The following KIRREL3 variants were observed in gnomAD, a reference collection of about 807,000 sequenced individuals.
KIRREL3 encodes kin of IRRE-like protein 3.
Under a neutral mutation model 89.7 loss-of-function variants are expected in KIRREL3, and 36 were observed. The observed-to-expected ratio is 0.40, with a 90% confidence interval of 0.31 to 0.53. The LOEUF (loss-of-function observed/expected upper bound fraction) is 0.53, where lower values mean the gene tolerates loss of function less well. KIRREL3 is among the 20% of genes least tolerant of loss of function. KIRREL3 has a pLI of 0.49. For synonymous variants in KIRREL3, 445 were observed against 441.4 expected (o/e 1.01, Z -0.10); for missense variants, 864 against 1,056.6 (o/e 0.82, Z 2.53).
chr11:126,708,137 T>C lies in KIRREL3; in HGVS notation c.56-145225A>G, dbSNP rs1005523920. Reference sequence around the variant, plus strand: ...ACCCAATCTTCCTCTTCCACTGACTTTTCCCGTGTGAAAGGACTCCCTGGT... The same window carrying C: ...ACCCAATCTTCCTCTTCCACTGACTCTTCCCGTGTGAAAGGACTCCCTGGT... On this transcript the variant is annotated intron_variant, in intron 1 of 16. Coordinates refer to ENST00000525144, the MANE Select transcript of KIRREL3 (RefSeq NM_032531.4). The surrounding 1 kb of genome is among the most constrained non-coding windows in gnomAD (Gnocchi z 5.7). Among the ~76,000 whole-genome samples the C allele has an allele frequency of 1.3e-5, 2 of 152,182 alleles. No individual in the cohort carries two copies. The highest frequency in any genetic ancestry group is 2.4e-5 in the African/African-American group (1 of 41,432).
At chr11:126,751,640 G>A (rs12361044) in intron 1 of KIRREL3, among the ~76,000 whole-genome samples, 32,377 of 151,712 alleles carry the variant, frequency 0.21, 3,893 homozygotes, top group African/African-American at 0.3. Context: ...TGCTACAAGT[G>A]GATCCTCACT....
chr11:126,826,909 C>A (rs1479175262), intron 1 of KIRREL3, among the ~76,000 whole-genome samples: 2 of 152,212 alleles, frequency 1.3e-5, no homozygotes, highest in East Asian at 1.9e-4. Context: ...GGAAGACTTT[C>A]TTCCTCAGCT....
intron 1 of KIRREL3, among the ~76,000 whole-genome samples, chr11:126,979,092 G>A (rs375170177): frequency 5.3e-5 from 8 of 152,240 alleles, no homozygotes; most frequent in Admixed American, 1.3e-4. Context: ...CATAGAGTCC[G>A]AATTCACCCG....
In KIRREL3 at chr11:126,995,384, T is replaced by A. The variant is rs944441296; in HGVS notation, c.55+5071A>T. 5 of 455,034 alleles carry A rather than the reference T, an allele frequency of 1.1e-5. No individual in the cohort carries two copies. Among genetic ancestry groups the A allele is most frequent in the South Asian group, 1.6e-5 (1 of 64,504 alleles). The allele number at this position is 455,034 out of a possible 1,614,324, so 28.2% of individuals were successfully genotyped here. On this transcript the variant is annotated intron_variant, in intron 1 of 16. Coordinates refer to ENST00000525144, the MANE Select transcript of KIRREL3 (RefSeq NM_032531.4). This position sits in a 1 kb window ranked among gnomAD's most constrained non-coding sequence, Gnocchi z 6.5. ...CTCCACTGATGAATTAGAACACCCC[T>A]CTTCCCAGGCACAGGACGAGTTCAG...
rs571543036 is a variant in KIRREL3 at position 126,862,624 on chromosome 11, G to C, written c.55+137831C>G. The stretch of plus-strand genomic sequence containing the variant: ...GAAGAGGTTCACTGCTCTCCACGCT[G>C]CGTCAACAGAGCGAGTGTTGCACCA... On this transcript the variant is annotated intron_variant, in intron 1 of 16. Transcript: ENST00000525144. Among the ~76,000 whole-genome samples the C allele has an allele frequency of 3.9e-5, 6 of 152,318 alleles. No individual in the cohort carries two copies. In the East Asian group the frequency reaches 1.2e-3, roughly 29 times the overall value.
At position 126,491,203 on chromosome 11, in the gene KIRREL3, A is replaced by G. The variant is rs542204185; in HGVS notation, c.434-17737T>C. 6.6e-6 allele frequency among the ~76,000 whole-genome samples: 1 copy of G among 152,306 alleles called. No individual in the cohort carries two copies. Among genetic ancestry groups the G allele is most frequent in the African/African-American group, 2.4e-5 (1 of 41,552 alleles). On this transcript the variant is annotated intron_variant, in intron 4 of 16. Transcript: ENST00000525144. The surrounding 1 kb of genome is among the most constrained non-coding windows in gnomAD (Gnocchi z 5.5). ...CCGGGCGTCAGCGTCTGCATCTGAA[A>G]GTGGGCATGGCGGTGAAACCACCTG...
intron 1 of KIRREL3, among the ~76,000 whole-genome samples, chr11:126,660,915 A>G (rs951011856): frequency 6.6e-6 from 1 of 152,182 alleles, no homozygotes; most frequent in African/African-American, 2.4e-5. Context: ...TGACTTTTGC[A>G]GAGTGAGGAT....
intron 1 of KIRREL3, among the ~76,000 whole-genome samples, chr11:126,617,706 A>G (rs1473567299): frequency 6.6e-6 from 1 of 152,136 alleles, no homozygotes; most frequent in African/African-American, 2.4e-5. Context: ...ATTCCCCACA[A>G]CCCAGCAAGA....
In KIRREL3 at chr11:126,771,210, C is replaced by T. The variant is rs985880624; in HGVS notation, c.56-208298G>A. ...TGCTTTTACAACCATTGTCTCAGTG[C>T]GTCCCTAAATAGCCTGGCAAGGAAG... On this transcript the variant is annotated intron_variant, in intron 1 of 16. Transcript: ENST00000525144. This position sits in a 1 kb window ranked among gnomAD's most constrained non-coding sequence, Gnocchi z 4.4. 3.3e-5 allele frequency among the ~76,000 whole-genome samples: 5 copies of T among 151,880 alleles called. No individual in the cohort carries two copies. Among genetic ancestry groups the T allele is most frequent in the South Asian group, 4.2e-4 (2 of 4,800 alleles).
chr11:126,735,599 G>A (rs781210272), intron 1 of KIRREL3, among the ~76,000 whole-genome samples: 2 of 152,214 alleles, frequency 1.3e-5, no homozygotes, highest in Admixed American at 6.5e-5. Context: ...AGGTGGCTTT[G>A]GAGGTAACAG....
Position 126,429,068 on chromosome 11 carries a change from T to C in KIRREL3, c.1806+111A>G, listed in dbSNP as rs1210768932. 1.4e-6 allele frequency: 1 copy of C among 698,022 alleles called. No homozygotes were observed. The highest frequency in any genetic ancestry group is 3.9e-4 in the Middle Eastern group (1 of 2,596). The allele number at this position is 698,022 out of a possible 1,614,324, so 43.2% of individuals were successfully genotyped here. A position where few individuals can be genotyped will look rare whatever the true frequency, so the allele number is the denominator to read the frequency against. On this transcript the variant is annotated intron_variant, in intron 15 of 16. Coordinates refer to ENST00000525144, the MANE Select transcript of KIRREL3 (RefSeq NM_032531.4). The surrounding 1 kb of genome is among the most constrained non-coding windows in gnomAD (Gnocchi z 5.2). The stretch of plus-strand genomic sequence containing the variant: ...TATTGTGGGGTGGGCAGGGGGCATC[T>C]TGAACGCTGCTCTGCTTTTTGGAAG...
At chr11:126,984,939 G>A (rs1949820319) in intron 1 of KIRREL3, among the ~76,000 whole-genome samples, 2 of 152,136 alleles carry the variant, frequency 1.3e-5, no homozygotes. Flanking sequence ...CCCACTACCT[G>A]TATGACTTTA....
At chr11:126,693,607 CCACACACACACACA>C (rs34918602) in intron 1 of KIRREL3, among the ~76,000 whole-genome samples, 1 of 149,884 alleles carries the variant, frequency 6.7e-6, no homozygotes, top group South Asian at 2.1e-4. Context: ...GTGCCTGTGA[CCACACACACACACA>C]CACACACACA....
intron 2 of KIRREL3, among the ~76,000 whole-genome samples, chr11:126,556,590 A>G (rs144967284): frequency 9.7e-4 from 147 of 152,304 alleles, no homozygotes; most frequent in African/African-American, 3.4e-3. Context: ...GTGAGCCACG[A>G]TGGTACCACT....
chr11:126,920,872 C>A lies in KIRREL3; in HGVS notation c.55+79583G>T, dbSNP rs146605610. Reference sequence around the variant, plus strand: ...TTCCAGGATGCTGAGAGCTGCTAGACAAAATTACCTCAACACTCAGATTGG... The same window carrying A: ...TTCCAGGATGCTGAGAGCTGCTAGAAAAAATTACCTCAACACTCAGATTGG... On this transcript the variant is annotated intron_variant, in intron 1 of 16. Coordinates refer to ENST00000525144, the MANE Select transcript of KIRREL3 (RefSeq NM_032531.4). 2.2e-3 allele frequency among the ~76,000 whole-genome samples: 332 copies of A among 152,308 alleles called. 2 individuals are homozygous for A. Among genetic ancestry groups the A allele is most frequent in the African/African-American group, 7.7e-3 (318 of 41,566 alleles).
intron 2 of KIRREL3, among the ~76,000 whole-genome samples, chr11:126,552,778 G>A (rs1208953818): frequency 6.6e-6 from 1 of 151,692 alleles, no homozygotes. Context: ...GGCCAGGCTG[G>A]TCTCAAACTC....
intron 4 of KIRREL3, among the ~76,000 whole-genome samples, chr11:126,512,788 G>T (rs73633718): frequency 6.6e-6 from 1 of 152,176 alleles, no homozygotes; most frequent in African/African-American, 2.4e-5. Context: ...TCAGGAGGAA[G>T]GGAAGAGGAA....
At position 126,948,665 on chromosome 11, in the gene KIRREL3, G is replaced by T. The variant is rs1052034322; in HGVS notation, c.55+51790C>A. Among the ~76,000 whole-genome samples, 7 of 152,164 alleles carry T rather than the reference G, an allele frequency of 4.6e-5. No individual in the cohort carries two copies. Among genetic ancestry groups the T allele is most frequent in the African/African-American group, 1.7e-4 (7 of 41,422 alleles). ...TCTTTTTTGCTTTCTTCAAAATCTG[G>T]CTAGGATTTCCACCTCCTCAGGGAG... On this transcript the variant is annotated intron_variant, in intron 1 of 16. Coordinates refer to ENST00000525144, the MANE Select transcript of KIRREL3 (RefSeq NM_032531.4). This position sits in a 1 kb window ranked among gnomAD's most constrained non-coding sequence, Gnocchi z 4.5.
chr11:126,871,477 C>A (rs549475204), intron 1 of KIRREL3, among the ~76,000 whole-genome samples: 1 of 152,132 alleles, frequency 6.6e-6, no homozygotes, highest in Non-Finnish European at 1.5e-5. Flanking sequence ...GTTTGAAAAA[C>A]CACAAGAAAG....
Sources: allele counts gnomAD v4.1 joint callset (sites outside exome capture counted in the v4.1 genomes callset), GRCh38; gene constraint gnomAD v4.1.1; non-coding constraint Gnocchi (gnomAD v3.1); transcripts MANE v1.5; gene names NCBI Gene and HGNC (gene_info 2026-07-23, HGNC 2026-07-21).